The following CNTN4 variants were observed in gnomAD, a reference collection of about 807,000 sequenced individuals.
The protein encoded by CNTN4 is contactin-4.
Under a neutral mutation model 122.5 loss-of-function variants are expected in CNTN4, and 77 were observed. That is an observed-to-expected ratio of 0.63 (90% confidence interval 0.52 to 0.76). The LOEUF (loss-of-function observed/expected upper bound fraction) is 0.76, where lower values mean the gene tolerates loss of function less well. Among genes scored for constraint, CNTN4 ranks in the 30% least tolerant of loss-of-function variants. The pLI, the probability that CNTN4 is intolerant of heterozygous loss-of-function variation, is 0.00. For synonymous variants in CNTN4, 512 were observed against 447.0 expected, an observed-to-expected ratio of 1.15 and a Z score of -1.83; for missense variants, 1,256 against 1,259.1, an observed-to-expected ratio of 1.00 and a Z score of 0.04.
At chr3:2,540,519 G>A (rs2077991663) in intron 3 of CNTN4, among the ~76,000 whole-genome samples, 1 of 152,056 alleles carries the variant, frequency 6.6e-6, no homozygotes, top group Non-Finnish European at 1.5e-5. Flanking sequence ...AGTACTGGAT[G>A]CCATAAGATA....
intron 14 of CNTN4, among the ~76,000 whole-genome samples, chr3:3,017,406 A>G (rs1314089049): frequency 6.6e-6 from 1 of 152,222 alleles, no homozygotes; most frequent in East Asian, 1.9e-4. Flanking sequence ...GGAACAAACT[A>G]CATATATAGA....
At chr3:2,890,121 C>T (rs1322648265) in intron 10 of CNTN4, among the ~76,000 whole-genome samples, 1 of 152,250 alleles carries the variant, frequency 6.6e-6, no homozygotes, top group Non-Finnish European at 1.5e-5. Context: ...GATCAGTTGA[C>T]TTCCACAGCA....
At chr3:2,381,281 C>T (rs991771322) in intron 3 of CNTN4, among the ~76,000 whole-genome samples, 2 of 152,176 alleles carry the variant, frequency 1.3e-5, no homozygotes, top group African/African-American at 4.8e-5. Context: ...GCTGGGATTA[C>T]AGGCGTGAGC....
chr3:3,051,523 A>T (rs1326437230), intron 23 of CNTN4, among the ~76,000 whole-genome samples: 1 of 152,260 alleles, frequency 6.6e-6, no homozygotes, highest in South Asian at 2.1e-4. Flanking sequence ...TTATTCCTCA[A>T]AGCCAGATGT....
intron 4 of CNTN4, among the ~76,000 whole-genome samples, chr3:2,729,883 C>T (rs1185308862): frequency 6.6e-6 from 1 of 152,138 alleles, no homozygotes; most frequent in African/African-American, 2.4e-5. Context: ...CACTGTACTC[C>T]AGCCTGAGTG....
chr3:2,562,964 A>G (rs2079020555), intron 3 of CNTN4, among the ~76,000 whole-genome samples: 1 of 152,126 alleles, frequency 6.6e-6, no homozygotes, highest in Non-Finnish European at 1.5e-5. Context: ...CTGGACTGAA[A>G]CAGTCCTCCT....
intron 2 of CNTN4, among the ~76,000 whole-genome samples, chr3:2,206,824 A>G (rs2038366611): frequency 6.6e-6 from 1 of 151,122 alleles, no homozygotes; most frequent in South Asian, 2.1e-4. Context: ...GAAATACAAT[A>G]CAGGGATACC....
intron 1 of CNTN4, among the ~76,000 whole-genome samples, chr3:2,099,953 A>G (rs2031771174): frequency 6.6e-6 from 1 of 152,152 alleles, no homozygotes; most frequent in African/African-American, 2.4e-5. Flanking sequence ...ATCCCTCTGA[A>G]CCAGCCAGAG....
chr3:2,336,987 T>A (rs2043978502), intron 2 of CNTN4, among the ~76,000 whole-genome samples: 1 of 152,196 alleles, frequency 6.6e-6, no homozygotes, highest in African/African-American at 2.4e-5. Context: ...TCAATAGCTG[T>A]AGCCTATTAG....
chr3:2,722,408 G>A (rs2087918086), intron 4 of CNTN4, among the ~76,000 whole-genome samples: 1 of 152,058 alleles, frequency 6.6e-6, no homozygotes, highest in African/African-American at 2.4e-5. Flanking sequence ...TTACTTAGTT[G>A]ACATGTTTCT....
rs778698307 is a variant in CNTN4, at chr3:2,819,621, T to C, written c.454+40T>C. ...ACTGACATATGCATGCTTCACTCTC[T>C]GTTATTTTTCTTCCTCAATGTTCTC... On this transcript the variant is annotated intron_variant, in intron 7 of 24. Coordinates refer to ENST00000418658, the MANE Select transcript of CNTN4 (RefSeq NM_175607.3). The C allele has an allele frequency of 4.9e-5, 69 of 1,395,486 alleles. No homozygotes were observed. In the Middle Eastern group the frequency reaches 1.1e-3, roughly 21 times the overall value. 86.4% of individuals were successfully genotyped at this position (1,395,486 alleles called of 1,614,324 possible).
intron 3 of CNTN4, among the ~76,000 whole-genome samples, chr3:2,564,021 T>C (rs1379204995): frequency 6.6e-6 from 1 of 152,212 alleles, no homozygotes; most frequent in Non-Finnish European, 1.5e-5. Context: ...GGTATGTTTG[T>C]ATTTGTGTAT....
At chr3:2,970,742 A>C (rs1692821503) in intron 13 of CNTN4, among the ~76,000 whole-genome samples, 3 of 152,160 alleles carry the variant, frequency 2.0e-5, no homozygotes, top group African/African-American at 7.2e-5. Context: ...CACCATGCCC[A>C]GCCAATTAAC....
intron 12 of CNTN4, among the ~76,000 whole-genome samples, chr3:2,916,872 C>T (rs931583732): frequency 8.0e-5 from 12 of 150,788 alleles, no homozygotes; most frequent in African/African-American, 2.9e-4. Flanking sequence ...TGGCGCTAGA[C>T]GTCTAGGTGG....
At chr3:2,495,960 C>G (rs568071242) in intron 3 of CNTN4, among the ~76,000 whole-genome samples, 1 of 152,312 alleles carries the variant, frequency 6.6e-6, no homozygotes, top group East Asian at 1.9e-4. Flanking sequence ...CTGGCTGAAA[C>G]ACAGATTGGC....
At chr3:2,761,423 C>A (rs1002925114) in intron 6 of CNTN4, among the ~76,000 whole-genome samples, 1 of 142,106 alleles carries the variant, frequency 7.0e-6, no homozygotes, top group Admixed American at 7.5e-5. Flanking sequence ...ATTAAATATG[C>A]CTGGTAAGTG....
intron 2 of CNTN4, among the ~76,000 whole-genome samples, chr3:2,265,206 G>GT (rs35579806): frequency 0.53 from 81,095 of 151,814 alleles, 22,311 homozygotes; most frequent in South Asian, 0.68. Flanking sequence ...CCTTTTTATG[G>GT]TTAAGTAGTA....
At chr3:2,395,535 G>T (rs1182069177) in intron 3 of CNTN4, among the ~76,000 whole-genome samples, 1 of 152,110 alleles carries the variant, frequency 6.6e-6, no homozygotes. Context: ...TGTTATGATC[G>T]ATCTCATCAC....
intron 13 of CNTN4, among the ~76,000 whole-genome samples, chr3:2,951,841 G>C (rs1486474546): frequency 6.6e-6 from 1 of 152,196 alleles, no homozygotes; most frequent in East Asian, 1.9e-4. Flanking sequence ...AAAAAAAGAA[G>C]TTTTGTTTTG....
Sources: gnomAD v4.1 joint callset for allele counts (sites outside exome capture counted in the v4.1 genomes callset) on GRCh38, gnomAD v4.1.1 for gene constraint, MANE v1.5 for transcripts, NCBI Gene and HGNC (gene_info 2026-07-23, HGNC 2026-07-21) for gene names.